The following CELF4 variants were observed in gnomAD, a reference collection of about 807,000 sequenced individuals.
The protein encoded by CELF4 is CUGBP Elav-like family member 4.
In CELF4, 18 loss-of-function variants were observed where a neutral mutation model predicts 59.9. The observed-to-expected ratio is 0.30, with a 90% CI of 0.21 to 0.45. The LOEUF is 0.45. Among genes scored for constraint, CELF4 ranks in the 20% least tolerant of loss-of-function variants. CELF4 has a pLI of 1.00. For missense variants in CELF4, 456 were observed against 689.0 expected (o/e 0.66, Z 3.79); for synonymous variants, 261 against 267.1 (o/e 0.98, Z 0.22).
At chr18:37,306,521 G>A (rs2096411565) in intron 3 of CELF4, among the ~76,000 whole-genome samples, 1 of 152,240 alleles carries the variant, frequency 6.6e-6, no homozygotes. Flanking sequence ...CTTCAAATGT[G>A]TGAAAGGAGA....
chr18:37,272,091 A>G (rs2091540585), intron 7 of CELF4, among the ~76,000 whole-genome samples: 2 of 152,318 alleles, frequency 1.3e-5, no homozygotes, highest in South Asian at 4.1e-4. Flanking sequence ...TGGGAAAGGA[A>G]CAGCTCTTGG....
At chr18:37,470,842 G>C (rs1035296934) in intron 2 of CELF4, among the ~76,000 whole-genome samples, 1 of 39,496 alleles carries the variant, frequency 2.5e-5, no homozygotes, top group Non-Finnish European at 5.6e-5. Context: ...GACTCTGTGT[G>C]TGTGTGTGTG....
intron 2 of CELF4, among the ~76,000 whole-genome samples, chr18:37,370,841 T>C (rs556758847): frequency 6.6e-6 from 1 of 152,314 alleles, no homozygotes; most frequent in African/African-American, 2.4e-5. Flanking sequence ...ACTTAGTTTT[T>C]GTGTAATTTT....
chr18:37,510,035 C>A (rs1273556711), intron 1 of CELF4, among the ~76,000 whole-genome samples: 1 of 152,318 alleles, frequency 6.6e-6, no homozygotes, highest in South Asian at 2.1e-4. Flanking sequence ...CTGCCTAATG[C>A]ACACGAAGGT....
At chr18:37,375,273 G>C (rs2098954571) in intron 2 of CELF4, among the ~76,000 whole-genome samples, 1 of 152,202 alleles carries the variant, frequency 6.6e-6, no homozygotes, top group South Asian at 2.1e-4. Context: ...TGTGTGTTGG[G>C]AGGGGGGCAT....
chr18:37,481,156 T>C (rs2099865999), intron 2 of CELF4, among the ~76,000 whole-genome samples: 1 of 152,018 alleles, frequency 6.6e-6, no homozygotes, highest in Non-Finnish European at 1.5e-5. Flanking sequence ...GGGAGGAGTG[T>C]GTTAGTTTGC....
intron 2 of CELF4, among the ~76,000 whole-genome samples, chr18:37,369,400 C>T (rs79000525): frequency 6.6e-6 from 1 of 152,112 alleles, no homozygotes; most frequent in Non-Finnish European, 1.5e-5. Flanking sequence ...TTTGGAGGAA[C>T]CTATGAGTGG....
intron 1 of CELF4, among the ~76,000 whole-genome samples, chr18:37,500,832 T>G (rs1162560705): frequency 6.6e-6 from 1 of 152,064 alleles, no homozygotes; most frequent in Non-Finnish European, 1.5e-5. Flanking sequence ...CCACACCTGG[T>G]CATTTTCTTT....
intron 2 of CELF4, among the ~76,000 whole-genome samples, chr18:37,337,713 G>T (rs1045469104): frequency 6.6e-6 from 1 of 152,166 alleles, no homozygotes; most frequent in South Asian, 2.1e-4. Context: ...TTGTCACATG[G>T]TGCGAGATTT....
At chr18:37,252,346 G>T (rs868417997) in intron 12 of CELF4, among the ~76,000 whole-genome samples, 2 of 152,026 alleles carry the variant, frequency 1.3e-5, no homozygotes, top group Non-Finnish European at 2.9e-5. Flanking sequence ...AGTGGTCAGT[G>T]CAGTAGACCT....
rs1229752826 is a variant in CELF4, at chr18:37,390,804, GGGA to G, written c.370-68926_370-68924del. The stretch of plus-strand genomic sequence containing the variant: ...GAAGGCTGGTGGTGGTGATGGGGCG[GGGA>G]GGGGGGGCAGTGCTGCTGGCCGGCA... On this transcript the variant is annotated intron_variant, in intron 2 of 12. Coordinates refer to ENST00000420428, the MANE Select transcript of CELF4 (RefSeq NM_020180.4). 2.2e-3 allele frequency among the ~76,000 whole-genome samples: 148 copies of G among 66,338 alleles called. 8 individuals are homozygous for G. The highest frequency in any genetic ancestry group is 7.0e-3 in the African/African-American group (115 of 16,478). The allele number at this position is 66,338 out of a possible 152,430, so 43.5% of individuals were successfully genotyped here.
At chr18:37,315,106 T>G (rs1306628156) in intron 3 of CELF4, among the ~76,000 whole-genome samples, 2 of 152,126 alleles carry the variant, frequency 1.3e-5, no homozygotes, top group African/African-American at 4.8e-5. Flanking sequence ...GTGGTTTTCT[T>G]TCTTGCTGTG....
In CELF4 at chr18:37,420,257, G is replaced by A. The variant is rs531272445; in HGVS notation, c.369+65268C>T. 2.0e-4 allele frequency among the ~76,000 whole-genome samples: 31 copies of A among 152,314 alleles called. No individual in the cohort carries two copies. In the East Asian group the frequency reaches 5.8e-3, roughly 29 times the overall value. ...GTGCAGACCCTGCAGCCAGAACCTG[G>A]GGGTTGCAAAACCTGGCTCTACCGC... On this transcript the variant is annotated intron_variant, in intron 2 of 12. Coordinates refer to ENST00000420428, the MANE Select transcript of CELF4 (RefSeq NM_020180.4).
chr18:37,510,736 T>TA (rs11375581), intron 1 of CELF4, among the ~76,000 whole-genome samples: 134,236 of 151,832 alleles, frequency 0.88, 59,874 homozygotes, highest in East Asian at 0.96. Context: ...CCTTGGCTCC[T>TA]GGGCTTCCTT....
At chr18:37,453,223 G>A (rs1289761437) in intron 2 of CELF4, among the ~76,000 whole-genome samples, 2 of 152,242 alleles carry the variant, frequency 1.3e-5, no homozygotes, top group African/African-American at 4.8e-5. Flanking sequence ...CAAAGGCACC[G>A]CCCTCTTTTT....
At chr18:37,311,538 C>T (rs1226687558) in intron 3 of CELF4, among the ~76,000 whole-genome samples, 1 of 152,158 alleles carries the variant, frequency 6.6e-6, no homozygotes, top group African/African-American at 2.4e-5. Context: ...ACCTGTAATC[C>T]CAGCACTTTG....
chr18:37,536,730 C>T (rs1383200280), intron 1 of CELF4, among the ~76,000 whole-genome samples: 16 of 152,132 alleles, frequency 1.1e-4, no homozygotes, highest in Admixed American at 1.0e-3. Flanking sequence ...TGCACTTGCT[C>T]CCTCCCACAC....
chr18:37,312,424 T>C (rs546498709), intron 3 of CELF4, among the ~76,000 whole-genome samples: 2 of 152,296 alleles, frequency 1.3e-5, no homozygotes, highest in African/African-American at 4.8e-5. Flanking sequence ...GGCCATGCTG[T>C]CTTATGTCTC....
rs750043649 is a variant in CELF4 at position 37,272,974 on chromosome 18, C to T, written c.949+42G>A. 10 of 1,567,884 alleles carry T rather than the reference C, an allele frequency of 6.4e-6. No individual in the cohort carries two copies. In the East Asian group the frequency reaches 1.4e-4, roughly 21 times the overall value. On this transcript the variant is annotated intron_variant, in intron 7 of 12. Coordinates refer to ENST00000420428, the MANE Select transcript of CELF4 (RefSeq NM_020180.4). ...AGGTCCCAGCCTGGGGCCAGCTGTT[C>T]TCCCACCGGGCCAGACCGCGTGTTG...
Sources: allele counts gnomAD v4.1 joint callset (sites outside exome capture counted in the v4.1 genomes callset), GRCh38; gene constraint gnomAD v4.1.1; transcripts MANE v1.5; gene names NCBI Gene and HGNC (gene_info 2026-07-23, HGNC 2026-07-21).